The following C12orf42 variants were observed in gnomAD, a reference collection of about 807,000 sequenced individuals.
C12orf42 encodes the protein chromosome 12 open reading frame 42.
A neutral mutation model predicts 21.6 loss-of-function variants in C12orf42; 25 were observed. That is an observed-to-expected ratio of 1.16 (90% CI 0.84 to 1.62). The LOEUF (loss-of-function observed/expected upper bound fraction) is 1.62. Among genes scored for constraint, C12orf42 ranks in the 40% most tolerant of loss-of-function variants. The pLI is 0.00. For synonymous variants in C12orf42, 174 were observed against 175.0 expected (o/e 0.99, Z 0.05); for missense variants, 483 against 459.3 (o/e 1.05, Z -0.47).
At chr12:103,442,710 C>T (rs1203518812) in intron 2 of C12orf42, among the ~76,000 whole-genome samples, 3 of 152,046 alleles carry the variant, frequency 2.0e-5, no homozygotes, top group African/African-American at 4.8e-5. Context: ...ACAAATAATA[C>T]ATTAAGCGCT....
At chr12:103,401,130 T>C (rs1233480517) in intron 3 of C12orf42, among the ~76,000 whole-genome samples, 2 of 152,062 alleles carry the variant, frequency 1.3e-5, no homozygotes, top group Non-Finnish European at 2.9e-5. Context: ...GGGACAAACA[T>C]TCACTTTGGC....
the C12orf42 span, among the ~76,000 whole-genome samples, chr12:103,509,037 G>A: frequency 1.3e-5 from 2 of 152,286 alleles, no homozygotes; most frequent in Non-Finnish European, 2.9e-5. Context: ...TGAGGCATAA[G>A]GATGTTAAGT....
At chr12:103,542,172 G>A in the C12orf42 span, among the ~76,000 whole-genome samples, 1 of 152,284 alleles carries the variant, frequency 6.6e-6, no homozygotes, top group East Asian at 1.9e-4. Flanking sequence ...AGTTTTCTTG[G>A]GATGTTGAAA....
chr12:103,282,686 T>C (rs1296995014), intron 4 of C12orf42, among the ~76,000 whole-genome samples: 2 of 152,184 alleles, frequency 1.3e-5, no homozygotes, highest in African/African-American at 2.4e-5. Flanking sequence ...TGGTGATTTG[T>C]ACAATGGAAA....
At chr12:103,371,202 T>C (rs2045197081) in intron 3 of C12orf42, among the ~76,000 whole-genome samples, 1 of 152,114 alleles carries the variant, frequency 6.6e-6, no homozygotes, top group South Asian at 2.1e-4. Context: ...GGCCTATCAC[T>C]CACCCAACTC....
chr12:103,287,247 A>T (rs1014224957), intron 4 of C12orf42, among the ~76,000 whole-genome samples: 17 of 152,212 alleles, frequency 1.1e-4, no homozygotes, highest in Middle Eastern at 3.2e-3. Context: ...ATAAAGACAC[A>T]TGCACATGTA....
the C12orf42 span, among the ~76,000 whole-genome samples, chr12:103,525,889 G>A: frequency 7.2e-5 from 11 of 152,256 alleles, no homozygotes; most frequent in East Asian, 7.7e-4. Context: ...TTAGCTGGGC[G>A]TGGTGGTGGG....
chr12:103,386,777 G>C (rs1457515530), intron 3 of C12orf42, among the ~76,000 whole-genome samples: 1 of 152,136 alleles, frequency 6.6e-6, no homozygotes, highest in Admixed American at 6.5e-5. Flanking sequence ...TATGCATGTC[G>C]GACTGTTGAC....
At chr12:103,186,200 G>C in the C12orf42 span, among the ~76,000 whole-genome samples, 1 of 152,172 alleles carries the variant, frequency 6.6e-6, no homozygotes, top group East Asian at 1.9e-4. Context: ...AAAGCTACCA[G>C]GTCTGTTTTC....
the C12orf42 span, among the ~76,000 whole-genome samples, chr12:103,506,544 T>A: frequency 6.6e-6 from 1 of 151,614 alleles, no homozygotes; most frequent in South Asian, 2.1e-4. Flanking sequence ...GGTGTTACAA[T>A]TGCCTATAGT....
At chr12:103,237,519 C>T (rs922991747), downstream of C12orf42, 1 of 152,136 alleles carries the variant, frequency 6.6e-6, no homozygotes, top group Non-Finnish European at 1.5e-5. Flanking sequence ...TTTGATAATT[C>T]GCCTGTTTAT....
chr12:103,305,463 C>T (rs2038189709), intron 5 of C12orf42, among the ~76,000 whole-genome samples: 1 of 152,164 alleles, frequency 6.6e-6, no homozygotes, highest in Admixed American at 6.6e-5. Context: ...GAGACTTGAT[C>T]ATGGCTACAG....
At chr12:103,418,573 C>T (rs1359878075) in intron 2 of C12orf42, among the ~76,000 whole-genome samples, 2 of 151,826 alleles carry the variant, frequency 1.3e-5, no homozygotes, top group Non-Finnish European at 2.9e-5. Context: ...TGGTGGTGGT[C>T]TCGGGTGGGA....
chr12:103,483,332 C>T (rs921350170), intron 1 of C12orf42, among the ~76,000 whole-genome samples: 1 of 152,010 alleles, frequency 6.6e-6, no homozygotes, highest in Non-Finnish European at 1.5e-5. Context: ...GGGTATGTGT[C>T]TACTCTACTC....
the C12orf42 span, among the ~76,000 whole-genome samples, chr12:103,231,858 A>G: frequency 1.3e-5 from 2 of 152,200 alleles, no homozygotes; most frequent in Non-Finnish European, 2.9e-5. Flanking sequence ...ATATGGTAAG[A>G]GTATTTTTAG....
At chr12:103,436,769 C>A (rs1950754702) in intron 2 of C12orf42, among the ~76,000 whole-genome samples, 1 of 152,122 alleles carries the variant, frequency 6.6e-6, no homozygotes, top group South Asian at 2.1e-4. Flanking sequence ...TACAAAGTGA[C>A]CTACAAAGAG....
the C12orf42 span, among the ~76,000 whole-genome samples, chr12:103,224,316 G>A: frequency 6.6e-6 from 1 of 152,198 alleles, no homozygotes; most frequent in Admixed American, 6.5e-5. Flanking sequence ...TTTCCTTGAG[G>A]ATAGATTTCC....
chr12:103,299,117 C>T (rs866728048), downstream of C12orf42, among the ~76,000 whole-genome samples: 5 of 151,984 alleles, frequency 3.3e-5, no homozygotes, highest in African/African-American at 1.2e-4. Flanking sequence ...TGCATATATA[C>T]TAGCTTTCAT....
chr12:103,550,597 A>C, the C12orf42 span: 4 of 152,168 alleles, frequency 2.6e-5, no homozygotes, highest in Non-Finnish European at 2.9e-5. Context: ...ATTTATGCCA[A>C]GTGCAAGCAC....
Sources: gnomAD v4.1 joint callset for allele counts (sites outside exome capture counted in the v4.1 genomes callset) on GRCh38, gnomAD v4.1.1 for gene constraint, MANE v1.5 for transcripts, NCBI Gene and HGNC (gene_info 2026-07-23, HGNC 2026-07-21) for gene names.